The following ADORA2B variants were observed in gnomAD, a reference collection of about 807,000 sequenced individuals.
ADORA2B encodes the protein adenosine A2b receptor.
Under a neutral mutation model 20.8 loss-of-function variants are expected in ADORA2B, and 18 were observed. The ratio of observed to expected loss-of-function variants is 0.87; its 90% CI spans 0.60 to 1.29. The LOEUF is 1.29. Among genes scored for constraint, ADORA2B ranks in the 50% most tolerant of loss-of-function variants. The pLI is 0.00. For missense variants in ADORA2B, 441 were observed against 422.7 expected (o/e 1.04, Z -0.38); for synonymous variants, 179 against 178.3 (o/e 1.00, Z -0.03).
chr17:15,974,535 G>A, intron 1 of ADORA2B, 144 bp from the exon 2 acceptor site: 1 of 664,202 alleles, frequency 1.5e-6, no homozygotes, highest in South Asian at 2.0e-5. Flanking sequence ...CATGTCTTTA[G>A]TATTGAGGGT....
At chr17:15,872,140 G>A in the ADORA2B span, among the ~76,000 whole-genome samples, 7 of 152,116 alleles carry the variant, frequency 4.6e-5, no homozygotes, top group Non-Finnish European at 1.0e-4. Context: ...ATAGAGAGTG[G>A]GGTGGCTGCT....
the ADORA2B span, among the ~76,000 whole-genome samples, chr17:15,862,819 T>TG: frequency 9.2e-5 from 14 of 151,798 alleles, no homozygotes; most frequent in African/African-American, 3.1e-4. Context: ...TTTTTTTTTT[T>TG]TTTGGGAGAC....
chr17:15,931,683 G>C, the ADORA2B span, among the ~76,000 whole-genome samples: 1 of 152,104 alleles, frequency 6.6e-6, no homozygotes, highest in Admixed American at 6.6e-5. Context: ...ATCTTCTTTG[G>C]AGAAGTGTCT....
intron 1 of ADORA2B, among the ~76,000 whole-genome samples, chr17:15,954,420 C>G (rs1969942414): frequency 6.6e-6 from 1 of 152,210 alleles, no homozygotes; most frequent in South Asian, 2.1e-4. Flanking sequence ...GATCACCCAG[C>G]TTCTTAATCA....
chr17:15,929,559 G>A, the ADORA2B span, among the ~76,000 whole-genome samples: 5 of 152,302 alleles, frequency 3.3e-5, no homozygotes, highest in African/African-American at 1.2e-4. Context: ...TCAACCTGCT[G>A]CCCACCCGCA....
chr17:15,915,801 C>T, the ADORA2B span, among the ~76,000 whole-genome samples: 3 of 152,148 alleles, frequency 2.0e-5, no homozygotes, highest in African/African-American at 7.2e-5. Flanking sequence ...GGGTGATGCC[C>T]ACTGATATTG....
intron 1 of ADORA2B, among the ~76,000 whole-genome samples, chr17:15,951,928 C>G (rs1037397086): frequency 5.3e-5 from 8 of 152,202 alleles, no homozygotes; most frequent in African/African-American, 1.9e-4. Flanking sequence ...GGGCAGAGGC[C>G]TCCTCTGCAG....
At chr17:15,855,839 C>A in the ADORA2B span, among the ~76,000 whole-genome samples, 1 of 151,318 alleles carries the variant, frequency 6.6e-6, no homozygotes, top group African/African-American at 2.4e-5. Context: ...TCAACCTTTG[C>A]CCCCCTCCCC....
the ADORA2B span, among the ~76,000 whole-genome samples, chr17:15,928,483 C>T: frequency 1.3e-5 from 2 of 151,954 alleles, no homozygotes; most frequent in Admixed American, 6.6e-5. Context: ...AGGCTGGCGG[C>T]TGAGGCGTGT....
At chr17:15,906,634 C>CG in the ADORA2B span, among the ~76,000 whole-genome samples, 1 of 152,118 alleles carries the variant, frequency 6.6e-6, no homozygotes, top group Admixed American at 6.5e-5. Context: ...GGAAGTATTC[C>CG]ATCCTCTTCC....
intron 1 of ADORA2B, among the ~76,000 whole-genome samples, chr17:15,955,257 A>G (rs1295156463): frequency 6.6e-6 from 1 of 152,198 alleles, no homozygotes; most frequent in Non-Finnish European, 1.5e-5. Flanking sequence ...GGCCAACTTC[A>G]GGATTTGATT....
Position 15,975,090 on chromosome 17 carries a change from T to C in ADORA2B, c.747T>C (p.Pro249=), listed in dbSNP as rs752608073. 4 of 1,614,040 alleles carry C rather than the reference T, an allele frequency of 2.5e-6. No individual in the cohort carries two copies. The highest frequency in any genetic ancestry group is 3.4e-6 in the Non-Finnish European group (4 of 1,180,010). The change falls in exon 2 of 2, where the codon CCT becomes CCC. Residue 249 remains proline (P), a synonymous_variant. Coordinates refer to ENST00000304222, the MANE Select transcript of ADORA2B (RefSeq NM_000676.4). ...GGATTTTTGCCCTGTGCTGGTTACC[T>C]GTGCATGCTGTTAACTGTGTCACTC... The part of the protein sequence containing the change: ...IVGIFALCWL[P]VHAVNCVTLF...
At chr17:15,871,874 G>A in the ADORA2B span, among the ~76,000 whole-genome samples, 1 of 152,120 alleles carries the variant, frequency 6.6e-6, no homozygotes, top group African/African-American at 2.4e-5. Context: ...CATAGCTGTG[G>A]CCATGACTTC....
At chr17:15,885,447 G>A in the ADORA2B span, among the ~76,000 whole-genome samples, 53 of 152,230 alleles carry the variant, frequency 3.5e-4, no homozygotes, top group African/African-American at 1.1e-3. Context: ...GGCGTGGTGC[G>A]TCACGCCTGT....
At chr17:15,964,603 A>G (rs1406683258) in intron 1 of ADORA2B, among the ~76,000 whole-genome samples, 4 of 147,850 alleles carry the variant, frequency 2.7e-5, no homozygotes, top group Non-Finnish European at 5.9e-5. Context: ...CGACAAGAGC[A>G]AGACTCTGTC....
At chr17:15,960,095 C>T (rs1970016775) in intron 1 of ADORA2B, among the ~76,000 whole-genome samples, 1 of 152,148 alleles carries the variant, frequency 6.6e-6, no homozygotes, top group Middle Eastern at 3.4e-3. Flanking sequence ...CAGCGAGGCC[C>T]CATCTCTATG....
chr17:15,895,595 G>GCCTT, the ADORA2B span, among the ~76,000 whole-genome samples: 2 of 152,192 alleles, frequency 1.3e-5, no homozygotes, highest in Non-Finnish European at 2.9e-5. Flanking sequence ...TATCTGCGCT[G>GCCTT]CCTTCATGGC....
At chr17:15,913,720 A>T in the ADORA2B span, among the ~76,000 whole-genome samples, 1 of 152,236 alleles carries the variant, frequency 6.6e-6, no homozygotes. Context: ...CTATAAAAAA[A>T]TTTGGCCTGG....
At chr17:15,936,475 C>A in the ADORA2B span, among the ~76,000 whole-genome samples, 1 of 151,956 alleles carries the variant, frequency 6.6e-6, no homozygotes. Flanking sequence ...TGAGCCACCA[C>A]CCTCAGCTAA....
Sources: gnomAD v4.1 joint callset for allele counts (sites outside exome capture counted in the v4.1 genomes callset) on GRCh38, gnomAD v4.1.1 for gene constraint, MANE v1.5 for transcripts, NCBI Gene and HGNC (gene_info 2026-07-23, HGNC 2026-07-21) for gene names.